Variants in BRCA1 observed in about 807,000 individuals in gnomAD.
BRCA1 encodes breast cancer type 1 susceptibility protein.
Under a neutral mutation model 173.7 loss-of-function variants are expected in BRCA1, and 140 were observed. That is an observed-to-expected ratio of 0.81 (90% CI 0.70 to 0.93). The LOEUF is 0.93. BRCA1 is among the 40% of genes least tolerant of loss of function. BRCA1 has a pLI of 0.00. For missense variants in BRCA1, 1,983 were observed against 2,172.5 expected (o/e 0.91, Z 1.73); for synonymous variants, 662 against 756.0 (o/e 0.88, Z 2.04).
intron 12 of BRCA1, chr17:43,079,381 T>C (rs2052895055): frequency 1.9e-6 from 3 of 1,597,328 alleles, no homozygotes; most frequent in East Asian, 4.5e-5. Context: ...GTTGTTCCTT[T>C]GGCCATGTAT....
In BRCA1 at chr17:43,092,448, C is replaced by T. The variant is rs80357459; in HGVS notation, c.3083G>A (p.Arg1028His). Residue 1028 changes from arginine (R) to histidine (H), a missense_variant, in exon 10 of 23, where the codon CGT becomes CAT. Coordinates refer to ENST00000357654, the MANE Select transcript of BRCA1 (RefSeq NM_007294.4). ...NIPSTVSTIS[R>H]NNIRENVFKE... ...AAAAACATTTTCTCTAATGTTATTA[C>T]GGCTAATTGTGCTCACTGTACTTGG... 408 of 1,613,886 alleles carry T rather than the reference C, an allele frequency of 2.5e-4. 2 individuals are homozygous for T. In the Admixed American group the frequency reaches 5.3e-3, roughly 21 times the overall value.
In BRCA1 at chr17:43,096,376, C is replaced by CAAAAA. The variant is rs71160005; in HGVS notation, c.594-459_594-455dup. ...TGGGCAACAGAGCAAGACTCTGTCT[C>CAAAAA]AAAAAAAAAAAAAAAAAAGAGAGAA... On this transcript the variant is annotated intron_variant, in intron 8 of 22. Coordinates refer to ENST00000357654, the MANE Select transcript of BRCA1 (RefSeq NM_007294.4). 1.3e-3 allele frequency among the ~76,000 whole-genome samples: 95 copies of CAAAAA among 74,214 alleles called. 1 individual carries two copies. The highest frequency in any genetic ancestry group is 4.2e-3 in the African/African-American group (86 of 20,484). 48.7% of individuals were successfully genotyped at this position (74,214 alleles called of 152,430 possible).
At chr17:43,053,340 A>T (rs2051328012) in intron 19 of BRCA1, among the ~76,000 whole-genome samples, 1 of 152,190 alleles carries the variant, frequency 6.6e-6, no homozygotes, top group Non-Finnish European at 1.5e-5. Flanking sequence ...ACACTCAGTG[A>T]TGAGGATGCC....
chr17:43,060,634 G>A (rs1397645454), intron 18 of BRCA1, among the ~76,000 whole-genome samples: 2 of 150,252 alleles, frequency 1.3e-5, no homozygotes, highest in Non-Finnish European at 3.0e-5. Flanking sequence ...GGGATTACAG[G>A]CACTGGGATT....
upstream of BRCA1, among the ~76,000 whole-genome samples, chr17:43,129,763 C>T (rs1348048517): frequency 2.0e-5 from 3 of 152,140 alleles, no homozygotes; most frequent in Admixed American, 6.5e-5. Flanking sequence ...CGTGAGCCAC[C>T]GCACCTGGCA....
intron 1 of BRCA1, chr17:43,169,893 C>T (rs9908805): frequency 0.95 from 405,384 of 427,392 alleles, 194,854 homozygotes; most frequent in East Asian, 1. Context: ...CCCCTCTACA[C>T]TGCAGATGTG....
intron 1 of BRCA1, chr17:43,164,058 C>A (rs1383968920): frequency 6.6e-6 from 1 of 152,236 alleles, no homozygotes; most frequent in East Asian, 1.9e-4. Context: ...TGTGCACAAG[C>A]ATAACAATTG....
At chr17:43,079,092 C>T (rs2052876982) in intron 12 of BRCA1, among the ~76,000 whole-genome samples, 1 of 151,966 alleles carries the variant, frequency 6.6e-6, no homozygotes, top group Non-Finnish European at 1.5e-5. Context: ...CCCAGCTACC[C>T]AGGAGGCTGA....
intron 1 of BRCA1, chr17:43,144,061 A>G (rs28433648): frequency 0.013 from 2,109 of 159,112 alleles, 36 homozygotes; most frequent in African/African-American, 0.048. Flanking sequence ...TCTACTAAGA[A>G]TACAAAAAGA....
intron 13 of BRCA1, 33 bp downstream of exon 13, chr17:43,076,455 A>C: frequency 6.2e-7 from 1 of 1,610,630 alleles, no homozygotes; most frequent in Non-Finnish European, 8.5e-7. Context: ...AAGATGTCAG[A>C]TACCACAGCA....
chr17:43,151,799 G>A (rs1381389912), intron 1 of BRCA1, among the ~76,000 whole-genome samples: 12 of 152,210 alleles, frequency 7.9e-5, no homozygotes, highest in Admixed American at 7.9e-4. Context: ...GGGAGGCTGA[G>A]GAGGGAAGAT....
intron 1 of BRCA1, among the ~76,000 whole-genome samples, chr17:43,156,609 T>G (rs559735758): frequency 6.6e-6 from 1 of 152,216 alleles, no homozygotes; most frequent in African/African-American, 2.4e-5. Flanking sequence ...AAAAACAACC[T>G]TGACAAAGAA....
chr17:43,091,014 C>T lies in BRCA1; in HGVS notation c.4115G>A (p.Cys1372Tyr), dbSNP rs55848034. ...DSNLGEAASG[C>Y]ESETSVSEDC... ...TTCAGAGACGCTTGTTTCACTCTCA[C>T]ACCCAGATGCTGCTTCACCTTAAAT... is the stretch of plus-strand genomic sequence containing the variant. The change falls in exon 11 of 23, where the codon TGT becomes TAT. Residue 1372 changes from cysteine (C) to tyrosine (Y), a missense_variant. By Grantham distance (194) the Cys-to-Tyr change is radical. Coordinates refer to ENST00000357654, the MANE Select transcript of BRCA1 (RefSeq NM_007294.4). 9 of 1,612,666 alleles carry T rather than the reference C, an allele frequency of 5.6e-6. No homozygotes were observed. Among genetic ancestry groups the T allele is most frequent in the Non-Finnish European group, 2.5e-6 (3 of 1,179,540 alleles).
At chr17:43,089,019 T>C (rs2053339845) in intron 11 of BRCA1, among the ~76,000 whole-genome samples, 1 of 152,108 alleles carries the variant, frequency 6.6e-6, no homozygotes, top group Non-Finnish European at 1.5e-5. Context: ...CTTCTACAAA[T>C]AAAAATTAGG....
chr17:43,116,065 T>C (rs910389438), intron 2 of BRCA1, among the ~76,000 whole-genome samples: 1 of 152,220 alleles, frequency 6.6e-6, no homozygotes, highest in Non-Finnish European at 1.5e-5. Context: ...TAGTTGATAA[T>C]AGTTCGTACG....
intron 1 of BRCA1, among the ~76,000 whole-genome samples, chr17:43,133,686 G>A (rs2055991246): frequency 6.7e-6 from 1 of 149,050 alleles, no homozygotes; most frequent in Non-Finnish European, 1.5e-5. Flanking sequence ...CCAGGCTGGA[G>A]TGCAGTGGCA....
At chr17:43,129,560 G>C (rs1043290494), upstream of BRCA1, among the ~76,000 whole-genome samples, 2 of 151,984 alleles carry the variant, frequency 1.3e-5, no homozygotes, top group African/African-American at 2.4e-5. Flanking sequence ...TGCGAACTCT[G>C]TCTCCCGGGT....
chr17:43,147,155 C>T (rs980014150), intron 1 of BRCA1, among the ~76,000 whole-genome samples: 11 of 152,192 alleles, frequency 7.2e-5, no homozygotes, highest in Non-Finnish European at 1.3e-4. Context: ...GCTGCGCCAC[C>T]GCGCCCGGCT....
chr17:43,100,403 G>A (rs530966522), intron 6 of BRCA1, among the ~76,000 whole-genome samples: 3 of 147,826 alleles, frequency 2.0e-5, no homozygotes, highest in Admixed American at 6.9e-5. Context: ...GTGCAGTGGC[G>A]CAATCTCAGC....
Sources: allele counts gnomAD v4.1 joint callset (sites outside exome capture counted in the v4.1 genomes callset), GRCh38; gene constraint gnomAD v4.1.1; transcripts MANE v1.5; gene names NCBI Gene and HGNC (gene_info 2026-07-23, HGNC 2026-07-21).